The following BAIAP2 variants were observed in gnomAD, a reference collection of about 807,000 sequenced individuals.
The protein encoded by BAIAP2 is BAR/IMD domain-containing adapter protein 2.
A neutral mutation model predicts 63.0 loss-of-function variants in BAIAP2; 18 were observed. The ratio of observed to expected loss-of-function variants is 0.29; its 90% CI spans 0.20 to 0.42. BAIAP2 has a LOEUF of 0.42. Ranked by LOEUF, BAIAP2 falls within the 10% of genes least tolerant of loss-of-function variation. The pLI, the probability that BAIAP2 is intolerant of heterozygous loss-of-function variation, is 1.00. For synonymous variants in BAIAP2, 386 were observed against 307.6 expected, an observed-to-expected ratio of 1.25 and a Z score of -2.67; for missense variants, 610 against 734.3, an observed-to-expected ratio of 0.83 and a Z score of 1.96.
intron 2 of BAIAP2, among the ~76,000 whole-genome samples, chr17:81,055,786 C>G (rs897629008): frequency 4.6e-5 from 7 of 151,802 alleles, no homozygotes; most frequent in African/African-American, 1.7e-4. Flanking sequence ...AGGATGGTCT[C>G]GATCTCCTGA....
At chr17:81,114,017 T>G (rs1396407324) in intron 13 of BAIAP2, among the ~76,000 whole-genome samples, 1 of 141,832 alleles carries the variant, frequency 7.1e-6, no homozygotes, top group African/African-American at 2.7e-5. Flanking sequence ...CAGGCTGGAG[T>G]GCAGTGGTGG....
Position 81,106,742 on chromosome 17 carries a change from C to A in BAIAP2, c.1338-3C>A. 1 of 1,612,582 alleles carries A rather than the reference C, an allele frequency of 6.2e-7. No homozygotes were observed. Among genetic ancestry groups the A allele is most frequent in the Non-Finnish European group, 8.5e-7 (1 of 1,179,772 alleles). On this transcript the variant is annotated splice_polypyrimidine_tract_variant and splice_region_variant and intron_variant, in intron 11 of 13. Transcript: ENST00000428708. Reference sequence around the variant, plus strand: ...GGCCGCCTCTGAGTCCCTGTCCCTACAGCCTGCAGCAAGGGAAGAGCAGCA... The same window carrying A: ...GGCCGCCTCTGAGTCCCTGTCCCTAAAGCCTGCAGCAAGGGAAGAGCAGCA...
intron 3 of BAIAP2, among the ~76,000 whole-genome samples, chr17:81,059,832 A>C (rs1022878309): frequency 2.6e-5 from 4 of 150,966 alleles, no homozygotes; most frequent in Non-Finnish European, 4.4e-5. Flanking sequence ...CCTTGGTCGC[A>C]TGAGGGTCTG....
At chr17:81,079,444 G>A (rs1027204725) in intron 3 of BAIAP2, among the ~76,000 whole-genome samples, 6 of 152,178 alleles carry the variant, frequency 3.9e-5, no homozygotes, top group Admixed American at 1.3e-4. Context: ...AAAGAGAGAG[G>A]CCTCGTTTTC....
intron 3 of BAIAP2, among the ~76,000 whole-genome samples, chr17:81,073,931 C>G (rs974083637): frequency 3.3e-5 from 5 of 152,180 alleles, no homozygotes; most frequent in Non-Finnish European, 7.3e-5. Context: ...TTATTTGTCT[C>G]AAGTGCTTAT....
At chr17:81,070,597 T>A (rs2052434544) in intron 3 of BAIAP2, among the ~76,000 whole-genome samples, 1 of 152,212 alleles carries the variant, frequency 6.6e-6, no homozygotes, top group Non-Finnish European at 1.5e-5. Context: ...CTGGCGTGCC[T>A]GTCCCGCTGC....
At chr17:81,073,595 C>T (rs768344416) in intron 3 of BAIAP2, among the ~76,000 whole-genome samples, 1 of 152,140 alleles carries the variant, frequency 6.6e-6, no homozygotes, top group Non-Finnish European at 1.5e-5. Context: ...CAGATGAGGA[C>T]GACGATCTGC....
At chr17:81,072,111 C>T (rs556604542) in intron 3 of BAIAP2, among the ~76,000 whole-genome samples, 81 of 152,310 alleles carry the variant, frequency 5.3e-4, no homozygotes, top group Non-Finnish European at 8.7e-4. Context: ...CTGTGGGTGC[C>T]GTGCCCTCCC....
intron 1 of BAIAP2, among the ~76,000 whole-genome samples, chr17:81,042,082 C>T (rs1459807592): frequency 1.3e-5 from 2 of 151,546 alleles, no homozygotes; most frequent in Non-Finnish European, 2.9e-5. Context: ...CTGAGATTTT[C>T]TTCCAAGCCC....
Position 81,116,512 on chromosome 17 carries a change from G to T in BAIAP2, c.*673G>T. 1 of 661,486 alleles carries T rather than the reference G, an allele frequency of 1.5e-6. No homozygotes were observed. Among genetic ancestry groups the T allele is most frequent in the East Asian group, 2.8e-5 (1 of 35,414 alleles). The allele number at this position is 661,486 out of a possible 1,614,324, so 41.0% of individuals were successfully genotyped here. A position where few individuals can be genotyped will look rare whatever the true frequency, so the allele number is the denominator to read the frequency against. On this transcript the variant is annotated 3_prime_UTR_variant, in exon 14 of 14. Coordinates refer to ENST00000428708, the MANE Select transcript of BAIAP2 (RefSeq NM_001144888.2). Reference sequence around the variant, plus strand: ...CCTCCCATCCAGAACCTTGCTGCCAGGGCCTCCCAGCTCGCTCCTGCGGCC... The same window carrying T: ...CCTCCCATCCAGAACCTTGCTGCCATGGCCTCCCAGCTCGCTCCTGCGGCC...
At chr17:81,070,114 A>G (rs989889537) in intron 3 of BAIAP2, among the ~76,000 whole-genome samples, 1 of 152,118 alleles carries the variant, frequency 6.6e-6, no homozygotes, top group Non-Finnish European at 1.5e-5. Context: ...GTGTGCTGTC[A>G]CGCCTGTATA....
chr17:81,110,436 C>T (rs543826878), intron 13 of BAIAP2: 34 of 993,016 alleles, frequency 3.4e-5, no homozygotes, highest in East Asian at 1.1e-4. Context: ...TTTCCTGTTT[C>T]CTTTCCTTTT....
intron 3 of BAIAP2, among the ~76,000 whole-genome samples, chr17:81,067,409 G>A (rs77021675): frequency 0.16 from 24,411 of 152,250 alleles, 2,117 homozygotes; most frequent in East Asian, 0.26. Flanking sequence ...TGGTGGGCGG[G>A]TGGAGGGCCT....
intron 6 of BAIAP2, among the ~76,000 whole-genome samples, chr17:81,092,814 C>T (rs559882496): frequency 3.0e-4 from 46 of 152,298 alleles, no homozygotes; most frequent in Admixed American, 1.4e-3. Context: ...CTCCACACCA[C>T]GCGGGGCACG....
chr17:81,083,841 T>C (rs2055072566), intron 3 of BAIAP2: 1 of 152,278 alleles, frequency 6.6e-6, no homozygotes, highest in Non-Finnish European at 1.5e-5. Context: ...AAGTGGGCCG[T>C]GCTCCTGTGT....
intron 6 of BAIAP2, among the ~76,000 whole-genome samples, chr17:81,096,810 C>G (rs920294049): frequency 6.6e-6 from 1 of 152,234 alleles, no homozygotes; most frequent in Non-Finnish European, 1.5e-5. Flanking sequence ...TCGCACTCTA[C>G]CCCTTCCTGG....
chr17:81,058,224 G>A (rs1015515986), intron 3 of BAIAP2, among the ~76,000 whole-genome samples: 2 of 152,174 alleles, frequency 1.3e-5, no homozygotes, highest in Non-Finnish European at 2.9e-5. Flanking sequence ...AAGTGTTCCC[G>A]GCAAATTGGA....
chr17:81,106,071 C>G lies in BAIAP2; in HGVS notation c.1269-7C>G, dbSNP rs376793828. 16 of 1,571,654 alleles carry G rather than the reference C, an allele frequency of 1.0e-5. No individual in the cohort carries two copies. The highest frequency in any genetic ancestry group is 1.3e-5 in the Non-Finnish European group (15 of 1,158,408). ...AGCGTGGCTCTTACCTGGGGCCTCT[C>G]TTCCAGGCGGGGCTGGTTTCCCTTC... On this transcript the variant is annotated splice_polypyrimidine_tract_variant and splice_region_variant and intron_variant, in intron 10 of 13. Transcript: ENST00000428708.
chr17:81,109,154 A>AT, intron 13 of BAIAP2: 1 of 1,436,574 alleles, frequency 7.0e-7, no homozygotes, highest in South Asian at 1.5e-5. Context: ...AGACTCTGTG[A>AT]TCCCCCAGGG....
Sources: allele counts gnomAD v4.1 joint callset (sites outside exome capture counted in the v4.1 genomes callset), GRCh38; gene constraint gnomAD v4.1.1; transcripts MANE v1.5; gene names NCBI Gene and HGNC (gene_info 2026-07-23, HGNC 2026-07-21).